The following ADAMTSL1 variants were observed in gnomAD, a reference collection of about 807,000 sequenced individuals.
ADAMTSL1 encodes the protein ADAMTS-like protein 1.
ADAMTSL1 carries 126 observed loss-of-function variants against 201.8 expected under a neutral mutation model. The ratio of observed to expected loss-of-function variants is 0.62; its 90% CI spans 0.54 to 0.72. The LOEUF (loss-of-function observed/expected upper bound fraction) is 0.72, where lower values mean the gene tolerates loss of function less well. Ranked by LOEUF, ADAMTSL1 falls within the 30% of genes least tolerant of loss-of-function variation. ADAMTSL1 has a pLI of 0.00. For synonymous variants in ADAMTSL1, 1,121 were observed against 903.4 expected, an observed-to-expected ratio of 1.24 and a Z score of -4.32; for missense variants, 2,679 against 2,277.8, an observed-to-expected ratio of 1.18 and a Z score of -3.59.
intron 2 of ADAMTSL1, among the ~76,000 whole-genome samples, chr9:18,187,896 G>A (rs768301747): frequency 4.6e-5 from 7 of 152,028 alleles, no homozygotes; most frequent in South Asian, 2.1e-4. Context: ...TATATATCCC[G>A]TGTTTCAAAA....
At chr9:17,967,613 G>T (rs1468371353) in intron 1 of ADAMTSL1, among the ~76,000 whole-genome samples, 1 of 151,974 alleles carries the variant, frequency 6.6e-6, no homozygotes, top group African/African-American at 2.4e-5. Flanking sequence ...AGATCATACA[G>T]CCATAGTTAG....
At chr9:18,174,004 A>G (rs1345611187) in intron 2 of ADAMTSL1, among the ~76,000 whole-genome samples, 3 of 152,198 alleles carry the variant, frequency 2.0e-5, no homozygotes, top group Non-Finnish European at 4.4e-5. Context: ...GAAACGAATG[A>G]TGAATATCAC....
Position 18,403,245 on chromosome 9 carries a change from A to G in ADAMTSL1, c.208-101584A>G, listed in dbSNP as rs146840164. On this transcript the variant is annotated intron_variant, in intron 2 of 29. Transcript: ENST00000680146. ...GTTGCCCAGGCTGGAGTGCAGTAGCATGATCTTGGCTCACTGCAACCTTCG... is the reference window on the plus strand; with the variant it reads ...GTTGCCCAGGCTGGAGTGCAGTAGCGTGATCTTGGCTCACTGCAACCTTCG... Among the ~76,000 whole-genome samples, 396 of 151,774 alleles carry G rather than the reference A, an allele frequency of 2.6e-3. 1 individual carries two copies. The highest frequency in any genetic ancestry group is 9.2e-3 in the African/African-American group (379 of 41,348).
chr9:18,265,666 A>C (rs542594935), intron 2 of ADAMTSL1, among the ~76,000 whole-genome samples: 1 of 152,362 alleles, frequency 6.6e-6, no homozygotes, highest in South Asian at 2.1e-4. Context: ...TTTTAAAAGA[A>C]TATGCTAACT....
intron 23 of ADAMTSL1, among the ~76,000 whole-genome samples, chr9:18,880,711 T>C (rs7850792): frequency 0.021 from 3,191 of 152,268 alleles, 118 homozygotes; most frequent in African/African-American, 0.071. Context: ...AGATGACCAT[T>C]GGCTTCACTT....
At chr9:18,856,389 G>T (rs1164758746) in intron 23 of ADAMTSL1, among the ~76,000 whole-genome samples, 1 of 149,738 alleles carries the variant, frequency 6.7e-6, no homozygotes, top group Non-Finnish European at 1.5e-5. Flanking sequence ...TAATTTTAAA[G>T]AACTTTTAGT....
chr9:18,021,362 GA>G (rs1820474668), intron 1 of ADAMTSL1, among the ~76,000 whole-genome samples: 1 of 152,144 alleles, frequency 6.6e-6, no homozygotes, highest in Non-Finnish European at 1.5e-5. Flanking sequence ...CTCCTTAACA[GA>G]ATAGGTTAAG....
chr9:18,760,081 C>G (rs1819984622), intron 16 of ADAMTSL1, among the ~76,000 whole-genome samples: 1 of 152,132 alleles, frequency 6.6e-6, no homozygotes, highest in Admixed American at 6.5e-5. Flanking sequence ...TTAATACATA[C>G]CTGCCTGCCA....
intron 8 of ADAMTSL1, among the ~76,000 whole-genome samples, chr9:18,661,576 A>G (rs73433588): frequency 3.9e-5 from 6 of 152,108 alleles, no homozygotes; most frequent in Non-Finnish European, 7.3e-5. Flanking sequence ...CTTGTATAAG[A>G]TGGTTGGTAA....
At chr9:18,721,472 C>A in intron 14 of ADAMTSL1, 64 bp from the exon 15 acceptor site, 1 of 1,588,354 alleles carries the variant, frequency 6.3e-7, no homozygotes, top group Non-Finnish European at 8.6e-7. Flanking sequence ...CTTGTCTACA[C>A]TTCATCACCC....
At chr9:17,962,208 G>C (rs1460761149) in intron 1 of ADAMTSL1, among the ~76,000 whole-genome samples, 8 of 152,096 alleles carry the variant, frequency 5.3e-5, no homozygotes, top group Non-Finnish European at 1.5e-5. Flanking sequence ...ACCAGCCTTA[G>C]TTTAAACCTA....
intron 1 of ADAMTSL1, among the ~76,000 whole-genome samples, chr9:18,494,533 C>T (rs897371649): frequency 2.6e-5 from 4 of 151,976 alleles, no homozygotes; most frequent in African/African-American, 9.7e-5. Flanking sequence ...GATCATGACC[C>T]GATTACTAGA....
intron 9 of ADAMTSL1, among the ~76,000 whole-genome samples, chr9:18,664,260 A>G (rs1829291845): frequency 6.6e-6 from 1 of 152,110 alleles, no homozygotes; most frequent in Non-Finnish European, 1.5e-5. Context: ...CTGGAATCAA[A>G]GCAACCCTTC....
chr9:18,456,368 C>T (rs1410454156), intron 2 of ADAMTSL1, among the ~76,000 whole-genome samples: 1 of 152,180 alleles, frequency 6.6e-6, no homozygotes, highest in African/African-American at 2.4e-5. Flanking sequence ...CCTGAGCTAA[C>T]ACATTGCTGC....
intron 2 of ADAMTSL1, among the ~76,000 whole-genome samples, chr9:18,464,305 T>C (rs1437130005): frequency 6.6e-6 from 1 of 152,218 alleles, no homozygotes; most frequent in Non-Finnish European, 1.5e-5. Context: ...TATGTGGTAG[T>C]AGCTTGAAGA....
chr9:18,449,157 A>G lies in ADAMTSL1; in HGVS notation c.208-55672A>G, dbSNP rs181225914. Among the ~76,000 whole-genome samples, 370 of 152,016 alleles carry G rather than the reference A, an allele frequency of 2.4e-3. 1 individual carries two copies. Among genetic ancestry groups the G allele is most frequent in the African/African-American group, 8.3e-3 (346 of 41,536 alleles). On this transcript the variant is annotated intron_variant, in intron 2 of 29. Transcript: ENST00000680146. The stretch of plus-strand genomic sequence containing the variant: ...AAGCATGAGTTGGGGGGATTTAGGG[A>G]GGAATTCTGAAATAGCATAAATTCT...
intron 1 of ADAMTSL1, among the ~76,000 whole-genome samples, chr9:18,058,381 G>A (rs1166120075): frequency 6.6e-6 from 1 of 152,146 alleles, no homozygotes; most frequent in African/African-American, 2.4e-5. Flanking sequence ...GGAAATCTTT[G>A]TTTAACATAT....
intron 1 of ADAMTSL1, among the ~76,000 whole-genome samples, chr9:18,062,990 C>G (rs1822529267): frequency 6.6e-6 from 1 of 152,102 alleles, no homozygotes. Flanking sequence ...ATTAAATAAA[C>G]TGAAGTAATA....
At chr9:18,601,206 A>C (rs1257612498) in intron 4 of ADAMTSL1, among the ~76,000 whole-genome samples, 1 of 152,166 alleles carries the variant, frequency 6.6e-6, no homozygotes, top group Admixed American at 6.5e-5. Flanking sequence ...TTTTGGTTAC[A>C]AGCAATAGAA....
Sources: gnomAD v4.1 joint callset for allele counts (sites outside exome capture counted in the v4.1 genomes callset) on GRCh38, gnomAD v4.1.1 for gene constraint, MANE v1.5 for transcripts, NCBI Gene and HGNC (gene_info 2026-07-23, HGNC 2026-07-21) for gene names.